Variants in NRXN3 observed in about 807,000 individuals in gnomAD.
NRXN3 encodes the protein neurexin 3.
In NRXN3, 32 loss-of-function variants were observed where a neutral mutation model predicts 137.6. The ratio of observed to expected loss-of-function variants is 0.23; its 90% CI spans 0.18 to 0.31. The LOEUF (loss-of-function observed/expected upper bound fraction) is 0.31. NRXN3 is among the 10% of genes least tolerant of loss of function. The probability of loss-of-function intolerance (pLI) is 1.00; values close to 1 mark genes in which losing one functional copy is unlikely to be tolerated. For synonymous variants in NRXN3, 798 were observed against 784.5 expected (o/e 1.02, Z -0.29); for missense variants, 1,574 against 2,062.5 (o/e 0.76, Z 4.59).
intron 1 of NRXN3, among the ~76,000 whole-genome samples, chr14:78,206,588 C>G (rs2062206740): frequency 6.6e-6 from 1 of 152,116 alleles, no homozygotes; most frequent in Non-Finnish European, 1.5e-5. Context: ...GAGATTGCTC[C>G]CATTGCTTAA....
chr14:79,005,790 T>C (rs2152361809), intron 15 of NRXN3, among the ~76,000 whole-genome samples: 1 of 152,026 alleles, frequency 6.6e-6, no homozygotes, highest in African/African-American at 2.4e-5. Flanking sequence ...TTTTTTTTTC[T>C]AATTTGAACC....
At chr14:79,156,032 A>C (rs1347066390) in intron 15 of NRXN3, among the ~76,000 whole-genome samples, 2 of 151,836 alleles carry the variant, frequency 1.3e-5, no homozygotes, top group Non-Finnish European at 2.9e-5. Flanking sequence ...TCACTTCTTC[A>C]TTGAAGTAAT....
intron 14 of NRXN3, among the ~76,000 whole-genome samples, chr14:78,970,495 A>G (rs2099433697): frequency 6.6e-6 from 1 of 152,178 alleles, no homozygotes; most frequent in Non-Finnish European, 1.5e-5. Flanking sequence ...TGCTCAATAC[A>G]CATGTCAATG....
chr14:79,125,767 C>A (rs370243850), intron 15 of NRXN3, among the ~76,000 whole-genome samples: 2 of 152,062 alleles, frequency 1.3e-5, no homozygotes, highest in African/African-American at 4.8e-5. Context: ...ACCAAGTAAA[C>A]GTATTTTTTC....
chr14:79,744,514 C>G (rs2098973046), intron 19 of NRXN3, among the ~76,000 whole-genome samples: 2 of 152,132 alleles, frequency 1.3e-5, no homozygotes, highest in Non-Finnish European at 2.9e-5. Flanking sequence ...GTAAATGCCT[C>G]AAAACCTAGT....
At chr14:79,504,662 T>TATATATATAA (rs2096858477) in intron 16 of NRXN3, among the ~76,000 whole-genome samples, 1 of 142,330 alleles carries the variant, frequency 7.0e-6, no homozygotes, top group African/African-American at 2.6e-5. Context: ...TATGTATATA[T>TATATATATAA]ATATATATAT....
At chr14:78,640,359 T>C (rs1468609182) in intron 4 of NRXN3, among the ~76,000 whole-genome samples, 1 of 152,216 alleles carries the variant, frequency 6.6e-6, no homozygotes, top group Non-Finnish European at 1.5e-5. Context: ...TATGCAATGG[T>C]TCCCCATAAC....
intron 2 of NRXN3, among the ~76,000 whole-genome samples, chr14:78,259,824 C>T (rs930669832): frequency 1.2e-4 from 18 of 152,256 alleles, no homozygotes; most frequent in Admixed American, 3.3e-4. Context: ...CAGGAATTAT[C>T]ACCCAGCTGT....
intron 15 of NRXN3, among the ~76,000 whole-genome samples, chr14:79,102,869 T>C (rs2051611808): frequency 6.6e-6 from 1 of 152,086 alleles, no homozygotes; most frequent in Non-Finnish European, 1.5e-5. Flanking sequence ...AAAATGGTAG[T>C]AAGTGAGAAA....
At chr14:79,060,743 G>C (rs1448276247) in intron 15 of NRXN3, among the ~76,000 whole-genome samples, 1 of 151,992 alleles carries the variant, frequency 6.6e-6, no homozygotes, top group Non-Finnish European at 1.5e-5. Flanking sequence ...CTCTCTTATA[G>C]GTTTGAAATA....
Position 79,138,215 on chromosome 14 carries a change from G to A in NRXN3, c.3262+150074G>A, listed in dbSNP as rs551751646. Among the ~76,000 whole-genome samples the A allele has an allele frequency of 3.0e-4, 46 of 152,252 alleles. 1 individual carries two copies. The highest frequency in any genetic ancestry group is 1.1e-3 in the African/African-American group (46 of 41,550). On this transcript the variant is annotated intron_variant, in intron 15 of 20. Transcript: ENST00000335750. ...CTGTCACCCAGGCTGAAGTATAGTA[G>A]CATGATAATAGCTCACTGCAGCCTT...
chr14:79,801,165 G>A lies in NRXN3; in HGVS notation c.4015-3947G>A, dbSNP rs75485463. 8.8e-3 allele frequency among the ~76,000 whole-genome samples: 1,334 copies of A among 152,288 alleles called. 13 individuals are homozygous for A. Among genetic ancestry groups the A allele is most frequent in the South Asian group, 0.03 (147 of 4,826 alleles). On this transcript the variant is annotated intron_variant, in intron 19 of 20. Transcript: ENST00000335750. ...TGTACCTCTAAGTGGTAACGATGAG[G>A]TCTGAAAGACACAAAGGAAGGAACT...
At chr14:78,329,696 T>C (rs753678935) in intron 4 of NRXN3, among the ~76,000 whole-genome samples, 26 of 152,308 alleles carry the variant, frequency 1.7e-4, no homozygotes, top group South Asian at 8.3e-4. Flanking sequence ...GGAATTAATA[T>C]CCAAGGAGAA....
chr14:78,787,422 A>C (rs2098792384), intron 8 of NRXN3, among the ~76,000 whole-genome samples: 1 of 152,170 alleles, frequency 6.6e-6, no homozygotes, highest in African/African-American at 2.4e-5. Context: ...TCAAGAGTTC[A>C]GTTGACCATT....
At chr14:78,711,238 G>A (rs1210895265) in intron 7 of NRXN3, among the ~76,000 whole-genome samples, 2 of 151,670 alleles carry the variant, frequency 1.3e-5, no homozygotes, top group African/African-American at 2.4e-5. Flanking sequence ...TCTCAGGCAG[G>A]CTAAAACACA....
chr14:79,036,987 T>G (rs953831279), intron 15 of NRXN3, among the ~76,000 whole-genome samples: 2 of 152,124 alleles, frequency 1.3e-5, no homozygotes, highest in Non-Finnish European at 2.9e-5. Context: ...TTCCTTTTCC[T>G]AACTTCTAGT....
intron 4 of NRXN3, among the ~76,000 whole-genome samples, chr14:78,523,968 T>C (rs925807715): frequency 3.9e-5 from 6 of 151,996 alleles, no homozygotes; most frequent in Non-Finnish European, 7.4e-5. Flanking sequence ...TTTCAGTGCG[T>C]CCTTTCACTA....
intron 14 of NRXN3, among the ~76,000 whole-genome samples, chr14:78,975,234 A>G (rs1332820054): frequency 6.6e-6 from 1 of 152,176 alleles, no homozygotes; most frequent in Non-Finnish European, 1.5e-5. Context: ...CCATGTGAGC[A>G]TGAAGGAACA....
chr14:78,977,540 GA>G (rs1009160628), intron 14 of NRXN3, among the ~76,000 whole-genome samples: 2 of 151,994 alleles, frequency 1.3e-5, no homozygotes, highest in African/African-American at 2.4e-5. Context: ...GTATCACTTT[GA>G]AAAGAGTTAT....
Sources: allele counts gnomAD v4.1 joint callset (sites outside exome capture counted in the v4.1 genomes callset), GRCh38; gene constraint gnomAD v4.1.1; transcripts MANE v1.5; gene names NCBI Gene and HGNC (gene_info 2026-07-23, HGNC 2026-07-21).